Variants in CDH12 observed in about 807,000 individuals in gnomAD.
CDH12 encodes the protein cadherin 12.
CDH12 carries 41 observed loss-of-function variants against 74.1 expected under a neutral mutation model. That is an observed-to-expected ratio of 0.55 (90% CI 0.43 to 0.72). CDH12 has a LOEUF of 0.72. CDH12 is among the 30% of genes least tolerant of loss of function. CDH12 has a pLI of 0.00. For synonymous variants in CDH12, 399 were observed against 355.0 expected, an observed-to-expected ratio of 1.12 and a Z score of -1.39; for missense variants, 945 against 977.2, an observed-to-expected ratio of 0.97 and a Z score of 0.44.
intron 1 of CDH12, among the ~76,000 whole-genome samples, chr5:22,646,180 A>G: frequency 6.6e-6 from 1 of 151,898 alleles, no homozygotes; most frequent in Non-Finnish European, 1.5e-5. Flanking sequence ...ACTCATTGAT[A>G]ATAAGAAAAT....
At chr5:22,314,659 CGCTGAGTGAAGG>C (rs1738535839) in intron 3 of CDH12, among the ~76,000 whole-genome samples, 1 of 151,968 alleles carries the variant, frequency 6.6e-6, no homozygotes, top group African/African-American at 2.4e-5. Flanking sequence ...AAATGCAGGA[CGCTGAGTGAAGG>C]GCGCTACACA....
intron 4 of CDH12, among the ~76,000 whole-genome samples, chr5:22,093,269 T>C (rs902290256): frequency 6.6e-6 from 1 of 152,136 alleles, no homozygotes; most frequent in African/African-American, 2.4e-5. Flanking sequence ...ATCTACTTGT[T>C]TGGACTATTT....
chr5:22,561,452 A>T (rs1739040268), intron 1 of CDH12, among the ~76,000 whole-genome samples: 1 of 152,208 alleles, frequency 6.6e-6, no homozygotes, highest in South Asian at 2.1e-4. Flanking sequence ...AATTAAAACA[A>T]ATTAATTCTG....
chr5:21,796,246 T>C (rs1457061860), intron 10 of CDH12, among the ~76,000 whole-genome samples: 2 of 152,054 alleles, frequency 1.3e-5, no homozygotes, highest in Non-Finnish European at 2.9e-5. Context: ...CTGAACATTC[T>C]AGCTTAGCCT....
intron 1 of CDH12, among the ~76,000 whole-genome samples, chr5:22,773,708 A>G (rs1023281796): frequency 1.3e-5 from 2 of 152,064 alleles, no homozygotes; most frequent in African/African-American, 4.8e-5. Context: ...TAAATAGACA[A>G]CCTACAGAGT....
At chr5:21,898,327 G>A (rs1753219598) in intron 6 of CDH12, among the ~76,000 whole-genome samples, 1 of 152,080 alleles carries the variant, frequency 6.6e-6, no homozygotes, top group African/African-American at 2.4e-5. Context: ...GGTCTCAAGT[G>A]ATTCCCCTGC....
chr5:22,850,193 T>C (rs762132030), intron 1 of CDH12, among the ~76,000 whole-genome samples: 3 of 152,106 alleles, frequency 2.0e-5, no homozygotes, highest in Non-Finnish European at 4.4e-5. Context: ...CATCTTATGA[T>C]GAGATGCTTA....
At chr5:22,830,842 A>AT (rs1736571939) in intron 1 of CDH12, among the ~76,000 whole-genome samples, 1 of 151,640 alleles carries the variant, frequency 6.6e-6, no homozygotes, top group African/African-American at 2.4e-5. Flanking sequence ...GTGCACTATA[A>AT]TTTTCTGAAT....
At chr5:22,773,016 A>G (rs886810447) in intron 1 of CDH12, among the ~76,000 whole-genome samples, 1 of 152,122 alleles carries the variant, frequency 6.6e-6, no homozygotes, top group Non-Finnish European at 1.5e-5. Context: ...GACACAAACA[A>G]ATAGAAAATA....
intron 1 of CDH12, among the ~76,000 whole-genome samples, chr5:22,599,759 T>C (rs957104377): frequency 2.6e-5 from 4 of 152,158 alleles, no homozygotes; most frequent in Non-Finnish European, 4.4e-5. Flanking sequence ...CTTATTTATG[T>C]ATCAAATTGA....
intron 3 of CDH12, among the ~76,000 whole-genome samples, chr5:22,292,722 C>T (rs1737448892): frequency 6.6e-6 from 1 of 151,922 alleles, no homozygotes; most frequent in South Asian, 2.1e-4. Context: ...GTTACTGTGG[C>T]TATTATCAAA....
intron 6 of CDH12, among the ~76,000 whole-genome samples, chr5:21,917,844 T>G (rs574979782): frequency 7.9e-5 from 12 of 152,340 alleles, no homozygotes; most frequent in African/African-American, 2.9e-4. Flanking sequence ...ATACTCTTGA[T>G]TATTTCCCTG....
At chr5:22,761,290 T>C (rs1444243068) in intron 1 of CDH12, among the ~76,000 whole-genome samples, 1 of 152,220 alleles carries the variant, frequency 6.6e-6, no homozygotes, top group Non-Finnish European at 1.5e-5. Context: ...GAGCAGGTTA[T>C]ATTAAAAATT....
In CDH12 at chr5:22,109,590, A is replaced by G. The variant is rs545969842; in HGVS notation, c.-186-30728T>C. Among the ~76,000 whole-genome samples the G allele has an allele frequency of 2.6e-5, 4 of 152,324 alleles. No homozygotes were observed. The East Asian group carries it at 7.7e-4, about 29-fold the overall frequency. Reference sequence around the variant, plus strand: ...CCAGCATGCTAAGCTGTTAGCTCACAAGCAGGCTGACATCTTAAGCACTTT... The same window carrying G: ...CCAGCATGCTAAGCTGTTAGCTCACGAGCAGGCTGACATCTTAAGCACTTT... On this transcript the variant is annotated intron_variant, in intron 4 of 14. Transcript: ENST00000382254.
chr5:21,882,521 T>C (rs1220652478), intron 6 of CDH12: 15 of 875,032 alleles, frequency 1.7e-5, no homozygotes, highest in Admixed American at 3.6e-5. Flanking sequence ...ATATTAGCAC[T>C]CTGTCCCTCA....
At chr5:22,695,978 G>A (rs1167178811) in intron 1 of CDH12, among the ~76,000 whole-genome samples, 1 of 151,854 alleles carries the variant, frequency 6.6e-6, no homozygotes, top group Non-Finnish European at 1.5e-5. Context: ...ACCAACACTG[G>A]TTCTTTTCAG....
chr5:21,900,476 T>TA (rs1334891352), intron 6 of CDH12, among the ~76,000 whole-genome samples: 9 of 152,224 alleles, frequency 5.9e-5, no homozygotes, highest in African/African-American at 2.2e-4. Context: ...TCATGTTATA[T>TA]TAGCTATAGC....
intron 1 of CDH12, among the ~76,000 whole-genome samples, chr5:22,728,049 T>C (rs1394594119): frequency 6.6e-6 from 1 of 151,866 alleles, no homozygotes; most frequent in East Asian, 1.9e-4. Flanking sequence ...CTTATTATAA[T>C]GTGAGATTTC....
chr5:22,644,279 T>A (rs1739319765), intron 1 of CDH12, among the ~76,000 whole-genome samples: 1 of 152,090 alleles, frequency 6.6e-6, no homozygotes, highest in Non-Finnish European at 1.5e-5. Context: ...AAGTTGTGAA[T>A]GCAAAAGAAA....
Sources: allele counts gnomAD v4.1 joint callset (sites outside exome capture counted in the v4.1 genomes callset), GRCh38; gene constraint gnomAD v4.1.1; transcripts MANE v1.5; gene names NCBI Gene and HGNC (gene_info 2026-07-23, HGNC 2026-07-21).